The following ACOX3 variants were observed in gnomAD, a reference collection of about 807,000 sequenced individuals.
The protein encoded by ACOX3 is peroxisomal acyl-coenzyme A oxidase 3.
Under a neutral mutation model 81.5 loss-of-function variants are expected in ACOX3, and 73 were observed. The observed-to-expected ratio is 0.90, with a 90% CI of 0.74 to 1.09. The LOEUF (loss-of-function observed/expected upper bound fraction) is 1.09, where lower values mean the gene tolerates loss of function less well. Among genes scored for constraint, ACOX3 ranks in the 50% least tolerant of loss-of-function variants. ACOX3 has a pLI of 0.00. For synonymous variants in ACOX3, 387 were observed against 375.1 expected (o/e 1.03, Z -0.37); for missense variants, 947 against 928.0 (o/e 1.02, Z -0.27).
chr4:8,421,023 C>T (rs920757511), intron 1 of ACOX3, among the ~76,000 whole-genome samples: 24 of 152,182 alleles, frequency 1.6e-4, no homozygotes, highest in African/African-American at 4.8e-4. Context: ...CCTTGGAATC[C>T]GTGAGGCCAA....
chr4:8,363,003 T>C (rs574236263), downstream of ACOX3, among the ~76,000 whole-genome samples: 4 of 152,402 alleles, frequency 2.6e-5, no homozygotes, highest in South Asian at 8.3e-4. Context: ...AGAGAAATTA[T>C]GTTTCAAGAA....
At chr4:8,365,978 C>T (rs768656515), downstream of ACOX3, among the ~76,000 whole-genome samples, 33 of 152,124 alleles carry the variant, frequency 2.2e-4, no homozygotes, top group Non-Finnish European at 3.8e-4. Context: ...AGTGTGGCCA[C>T]GGGGGTCAGG....
At chr4:8,372,591 T>C (rs968491116) in intron 16 of ACOX3, among the ~76,000 whole-genome samples, 3 of 152,146 alleles carry the variant, frequency 2.0e-5, no homozygotes, top group African/African-American at 7.2e-5. Flanking sequence ...GACGAGTAAA[T>C]GTGGCCACAT....
In ACOX3 at chr4:8,437,312, C is replaced by T. The variant is rs1579014681; in HGVS notation, c.-15+3336G>A. ...AAAAGCAACAAGTGCGGCAGCTAGG[C>T]ACGCCAAGGGTTAAATTCCTCTCCC... is the stretch of plus-strand genomic sequence containing the variant. On this transcript the variant is annotated intron_variant, in intron 1 of 17. Transcript: ENST00000356406. This position sits in a 1 kb window ranked among gnomAD's most constrained non-coding sequence, Gnocchi z 5.2. Among the ~76,000 whole-genome samples, 2 of 151,928 alleles carry T rather than the reference C, an allele frequency of 1.3e-5. No individual in the cohort carries two copies. Among genetic ancestry groups the T allele is most frequent in the East Asian group, 1.9e-4 (1 of 5,134 alleles).
At position 8,368,168 on chromosome 4, in the gene ACOX3, G is replaced by A. The variant is rs180766887; in HGVS notation, c.1984-1088C>T. ...CCACCAGCAGCAGGATGCCCTCGCC[G>A]AGTGGCCCTTACTGGCTGATTTCTG... On this transcript the variant is annotated intron_variant, in intron 17 of 17. Coordinates refer to ENST00000356406, the MANE Select transcript of ACOX3 (RefSeq NM_003501.3). This position sits in a 1 kb window ranked among gnomAD's most constrained non-coding sequence, Gnocchi z 5.9. 6.4e-4 allele frequency among the ~76,000 whole-genome samples: 98 copies of A among 152,340 alleles called. No individual in the cohort carries two copies. The highest frequency in any genetic ancestry group is 2.2e-3 in the African/African-American group (92 of 41,582).
In ACOX3 at chr4:8,416,546, C is replaced by A. The variant is rs1722367022; in HGVS notation, c.-14-11G>T. On this transcript the variant is annotated splice_polypyrimidine_tract_variant and intron_variant, in intron 1 of 17. Coordinates refer to ENST00000356406, the MANE Select transcript of ACOX3 (RefSeq NM_003501.3). The surrounding 1 kb of genome is among the most constrained non-coding windows in gnomAD (Gnocchi z 4.2). ...TCGCGTGATAAGAGCCTGCACAAAA[C>A]ATGCAACCTGAATCCATGCTCTCCC... 6.4e-7 allele frequency: 1 copy of A among 1,568,460 alleles called. No individual in the cohort carries two copies. The highest frequency in any genetic ancestry group is 1.8e-5 in the Admixed American group (1 of 54,438).
chr4:8,403,361 T>C (rs936616181), intron 7 of ACOX3, among the ~76,000 whole-genome samples: 1 of 152,194 alleles, frequency 6.6e-6, no homozygotes, highest in South Asian at 2.1e-4. Flanking sequence ...CTGGGTGCCC[T>C]GCCCAGACCC....
intron 7 of ACOX3, among the ~76,000 whole-genome samples, chr4:8,401,996 C>G (rs1023601919): frequency 6.6e-6 from 1 of 152,228 alleles, no homozygotes; most frequent in Non-Finnish European, 1.5e-5. Flanking sequence ...GGCTCACCCC[C>G]CTCCATGAGG....
chr4:8,414,531 A>G lies in ACOX3; in HGVS notation c.454-150T>C. On this transcript the variant is annotated intron_variant, in intron 4 of 17. Coordinates refer to ENST00000356406, the MANE Select transcript of ACOX3 (RefSeq NM_003501.3). The surrounding 1 kb of genome is among the most constrained non-coding windows in gnomAD (Gnocchi z 6.1). ...ACCCAACTAGTGACTTGACTGAGTC[A>G]TGCTGCCACACTCAGCTGGCAACCA... 2.6e-6 allele frequency: 2 copies of G among 774,336 alleles called. No homozygotes were observed. 48.0% of individuals were successfully genotyped at this position (774,336 alleles called of 1,614,324 possible). A position where few individuals can be genotyped will look rare whatever the true frequency, so the allele number is the denominator to read the frequency against.
rs1006553461 is a variant in ACOX3 at position 8,394,999 on chromosome 4, C to A, written c.1057-257G>T. On this transcript the variant is annotated intron_variant, in intron 9 of 17. Transcript: ENST00000356406. This position sits in a 1 kb window ranked among gnomAD's most constrained non-coding sequence, Gnocchi z 5.9. ...TTCGCTAAATGGCCGCTATTCACAG[C>A]TGTCCCATCAAAGTCACTACAGAAC... is the stretch of plus-strand genomic sequence containing the variant. 2 of 367,638 alleles carry A rather than the reference C, an allele frequency of 5.4e-6. No homozygotes were observed. Among genetic ancestry groups the A allele is most frequent in the African/African-American group, 4.2e-5 (2 of 48,154 alleles). The allele number at this position is 367,638 out of a possible 1,614,324, so 22.8% of individuals were successfully genotyped here. A position where few individuals can be genotyped will look rare whatever the true frequency, so the allele number is the denominator to read the frequency against.
intron 16 of ACOX3, among the ~76,000 whole-genome samples, chr4:8,373,349 G>A (rs1716476225): frequency 1.3e-5 from 2 of 152,026 alleles, no homozygotes; most frequent in Non-Finnish European, 1.5e-5. Context: ...ACGCTAAGGC[G>A]GTGTGTGTCA....
intron 1 of ACOX3, among the ~76,000 whole-genome samples, chr4:8,435,056 TC>T (rs1466514452): frequency 6.6e-6 from 1 of 152,156 alleles, no homozygotes; most frequent in Non-Finnish European, 1.5e-5. Context: ...AAAAAAAATT[TC>T]AAGAAGAAAA....
chr4:8,387,396 T>C (rs557948223), intron 13 of ACOX3, among the ~76,000 whole-genome samples: 2 of 152,250 alleles, frequency 1.3e-5, no homozygotes, highest in South Asian at 2.1e-4. Context: ...GAAGGTGGGC[T>C]ACTCTTCCAC....
At chr4:8,412,850 A>C (rs1238524723) in intron 5 of ACOX3, among the ~76,000 whole-genome samples, 1 of 151,884 alleles carries the variant, frequency 6.6e-6, no homozygotes, top group Non-Finnish European at 1.5e-5. Context: ...GCCCTAGGGC[A>C]TCCATCTGTG....
chr4:8,377,908 C>A (rs1377291011), intron 14 of ACOX3, among the ~76,000 whole-genome samples: 2 of 152,170 alleles, frequency 1.3e-5, no homozygotes, highest in African/African-American at 4.8e-5. Flanking sequence ...GTGCTCACGG[C>A]ACCCAGACAC....
In ACOX3 at chr4:8,432,965, G is replaced by A. The variant is rs1385258902; in HGVS notation, c.-15+7683C>T. 6.6e-6 allele frequency among the ~76,000 whole-genome samples: 1 copy of A among 152,232 alleles called. No individual in the cohort carries two copies. The highest frequency in any genetic ancestry group is 1.5e-5 in the Non-Finnish European group (1 of 68,036). ...TTGCACTAGCTGCACTCAAGTGTGG[G>A]TCAGTAGCCAAAAGTAACTACGGTA... On this transcript the variant is annotated intron_variant, in intron 1 of 17. Transcript: ENST00000356406. The surrounding 1 kb of genome is among the most constrained non-coding windows in gnomAD (Gnocchi z 6.2).
Position 8,385,787 on chromosome 4 carries a change from C to T in ACOX3, c.1537+3386G>A, listed in dbSNP as rs1165435554. 6.6e-6 allele frequency among the ~76,000 whole-genome samples: 1 copy of T among 152,222 alleles called. No individual in the cohort carries two copies. The highest frequency in any genetic ancestry group is 1.5e-5 in the Non-Finnish European group (1 of 68,044). On this transcript the variant is annotated intron_variant, in intron 13 of 17. Coordinates refer to ENST00000356406, the MANE Select transcript of ACOX3 (RefSeq NM_003501.3). The surrounding 1 kb of genome is among the most constrained non-coding windows in gnomAD (Gnocchi z 5.5). ...TGAGGGCCCCACATCACTTAAACAG[C>T]TTTTACCAAAGATCCACATGACGCA...
At chr4:8,373,005 C>T (rs181507841) in intron 16 of ACOX3, among the ~76,000 whole-genome samples, 21 of 152,256 alleles carry the variant, frequency 1.4e-4, no homozygotes, top group African/African-American at 5.1e-4. Flanking sequence ...CTTCTGTCCC[C>T]GGATGGAAGA....
chr4:8,415,604 A>C (rs1314217231), intron 3 of ACOX3, among the ~76,000 whole-genome samples, 162 bp downstream of exon 3: 1 of 152,124 alleles, frequency 6.6e-6, no homozygotes, highest in Non-Finnish European at 1.5e-5. Context: ...GGGGGACTGA[A>C]ATTTTTTTAA....
Sources: allele counts gnomAD v4.1 joint callset (sites outside exome capture counted in the v4.1 genomes callset), GRCh38; gene constraint gnomAD v4.1.1; non-coding constraint Gnocchi (gnomAD v3.1); transcripts MANE v1.5; gene names NCBI Gene and HGNC (gene_info 2026-07-23, HGNC 2026-07-21).